The following COL8A1 variants were observed in gnomAD, a reference collection of about 807,000 sequenced individuals.
The protein encoded by COL8A1 is collagen alpha-1(VIII) chain.
A neutral mutation model predicts 42.7 loss-of-function variants in COL8A1; 21 were observed. The observed-to-expected ratio is 0.49, with a 90% confidence interval of 0.35 to 0.71. The LOEUF (loss-of-function observed/expected upper bound fraction) is 0.71, where lower values mean the gene tolerates loss of function less well. Ranked by LOEUF, COL8A1 falls within the 30% of genes least tolerant of loss-of-function variation. COL8A1 has a pLI of 0.01. For synonymous variants in COL8A1, 367 were observed against 369.1 expected (o/e 0.99, Z 0.06); for missense variants, 788 against 962.4 (o/e 0.82, Z 2.40).
chr3:99,705,957 A>G (rs1174683680), intron 1 of COL8A1, among the ~76,000 whole-genome samples: 1 of 152,192 alleles, frequency 6.6e-6, no homozygotes, highest in Admixed American at 6.5e-5. Flanking sequence ...ACATTTTTGT[A>G]TCTTTCTATT....
chr3:99,651,087 T>C (rs542532048), intron 1 of COL8A1, among the ~76,000 whole-genome samples: 33 of 152,348 alleles, frequency 2.2e-4, no homozygotes, highest in Non-Finnish European at 3.4e-4. Flanking sequence ...CTTTTTTTCC[T>C]TTATTTTAGT....
chr3:99,756,999 AT>A (rs1941266335), intron 2 of COL8A1, among the ~76,000 whole-genome samples: 1 of 152,186 alleles, frequency 6.6e-6, no homozygotes, highest in African/African-American at 2.4e-5. Flanking sequence ...AGCTATGGTC[AT>A]TTTTGTAGAT....
intron 2 of COL8A1, among the ~76,000 whole-genome samples, chr3:99,756,120 T>A (rs1388393106): frequency 6.6e-6 from 1 of 151,676 alleles, no homozygotes; most frequent in Non-Finnish European, 1.5e-5. Context: ...GAAGAAGAGA[T>A]ATCGAGAATG....
At chr3:99,755,816 G>T (rs1418713199) in intron 2 of COL8A1, among the ~76,000 whole-genome samples, 3 of 152,220 alleles carry the variant, frequency 2.0e-5, no homozygotes, top group African/African-American at 7.2e-5. Flanking sequence ...AGAGCAGATG[G>T]TGTCAAAGAA....
intron 2 of COL8A1, among the ~76,000 whole-genome samples, chr3:99,786,771 T>C (rs959242760): frequency 6.7e-6 from 1 of 148,468 alleles, no homozygotes; most frequent in African/African-American, 2.6e-5. Context: ...GAGTGTTCAA[T>C]AGGTGTTCAA....
At chr3:99,707,879 C>G (rs1185541302) in intron 1 of COL8A1, among the ~76,000 whole-genome samples, 1 of 152,104 alleles carries the variant, frequency 6.6e-6, no homozygotes, top group Non-Finnish European at 1.5e-5. Flanking sequence ...CCACCAATAA[C>G]CCCATGAGAC....
intron 2 of COL8A1, among the ~76,000 whole-genome samples, chr3:99,779,310 A>G (rs1941750897): frequency 6.6e-6 from 1 of 152,212 alleles, no homozygotes. Flanking sequence ...TTATTATTCA[A>G]GTCCCCCAAA....
In COL8A1 at chr3:99,738,825, C is replaced by T. The variant is rs532520859; in HGVS notation, c.-128-6072C>T. Among the ~76,000 whole-genome samples, 21 of 152,332 alleles carry T rather than the reference C, an allele frequency of 1.4e-4. No homozygotes were observed. The South Asian group carries it at 3.3e-3, about 24-fold the overall frequency. The stretch of plus-strand genomic sequence containing the variant: ...ATGGCGGGCACCCCTCCCCCAGCCT[C>T]GCTGCTGCCTTGCAGTTTGATCTCA... On this transcript the variant is annotated intron_variant, in intron 1 of 3. Transcript: ENST00000652472.
intron 1 of COL8A1, among the ~76,000 whole-genome samples, chr3:99,651,399 A>T (rs546394685): frequency 1.3e-5 from 2 of 152,352 alleles, no homozygotes; most frequent in African/African-American, 2.4e-5. Context: ...TCTTTATCAT[A>T]GATTTTCCCA....
chr3:99,697,953 C>A (rs1333330217), intron 1 of COL8A1, among the ~76,000 whole-genome samples: 1 of 152,138 alleles, frequency 6.6e-6, no homozygotes, highest in African/African-American at 2.4e-5. Context: ...TCTCCTAATG[C>A]TATCCCTCCC....
chr3:99,670,174 C>G (rs867990403), intron 1 of COL8A1, among the ~76,000 whole-genome samples: 5 of 152,050 alleles, frequency 3.3e-5, no homozygotes, highest in Non-Finnish European at 5.9e-5. Flanking sequence ...TAAACTGACA[C>G]TAGCAGTAAT....
chr3:99,794,292 C>T lies in COL8A1; in HGVS notation c.391C>T (p.Pro131Ser), dbSNP rs1455692808. 1 of 1,612,710 alleles carries T rather than the reference C, an allele frequency of 6.2e-7. No individual in the cohort carries two copies. Among genetic ancestry groups the T allele is most frequent in the Non-Finnish European group, 8.5e-7 (1 of 1,179,378 alleles). ...CCGTGGAGAGCCTGGCCCAAGAGGACCACCTGGGCCCCCTGGTTTGCCAGG... is the reference window on the plus strand; with the variant it reads ...CCGTGGAGAGCCTGGCCCAAGAGGATCACCTGGGCCCCCTGGTTTGCCAGG... The part of the protein sequence containing the change: ...GPRGEPGPRG[P>S]PGPPGLPGHG... The change falls in exon 4 of 4, where the codon CCA (proline) becomes TCA (serine). Residue 131 changes from proline to serine, a missense_variant. Pro to Ser is a moderately conservative substitution (Grantham distance 74, BLOSUM62 -1). Coordinates refer to ENST00000652472, the MANE Select transcript of COL8A1 (RefSeq NM_020351.4). The surrounding 1 kb of genome is among the most constrained non-coding windows in gnomAD (Gnocchi z 4.3).
intron 1 of COL8A1, among the ~76,000 whole-genome samples, chr3:99,663,862 C>T (rs1938282648): frequency 6.6e-6 from 1 of 152,106 alleles, no homozygotes; most frequent in South Asian, 2.1e-4. Flanking sequence ...TTTTTTAATG[C>T]ATACTATCTT....
At chr3:99,756,948 G>C (rs1049940867) in intron 2 of COL8A1, among the ~76,000 whole-genome samples, 6 of 152,160 alleles carry the variant, frequency 3.9e-5, no homozygotes, top group African/African-American at 9.7e-5. Flanking sequence ...TACAGAGAAT[G>C]CTCCTTTTAA....
chr3:99,662,789 T>C (rs1938248851), intron 1 of COL8A1, among the ~76,000 whole-genome samples: 2 of 152,166 alleles, frequency 1.3e-5, no homozygotes, highest in African/African-American at 2.4e-5. Flanking sequence ...CTGTGGCTTG[T>C]AGATAATGCA....
intron 1 of COL8A1, among the ~76,000 whole-genome samples, chr3:99,728,402 C>T (rs926156071): frequency 3.3e-5 from 5 of 151,916 alleles, no homozygotes; most frequent in African/African-American, 1.2e-4. Context: ...TTCCTCCTAC[C>T]ATGGTCTAGA....
rs201096754 is a variant in COL8A1 at position 99,744,673 on chromosome 3, TG to T, written c.-128-222del. On this transcript the variant is annotated intron_variant, in intron 1 of 3. Coordinates refer to ENST00000652472, the MANE Select transcript of COL8A1 (RefSeq NM_020351.4). Reference sequence around the variant, plus strand: ...CAATATGTATTAATGGAAATTGAACTGGTGAGAACTTACCATATAATATAAC... The same window carrying T: ...CAATATGTATTAATGGAAATTGAACTGTGAGAACTTACCATATAATATAAC... 7.9e-4 allele frequency among the ~76,000 whole-genome samples: 121 copies of T among 152,334 alleles called. No homozygotes were observed. In the East Asian group the frequency reaches 0.019, roughly 24 times the overall value.
chr3:99,782,704 T>C (rs1170080982), intron 2 of COL8A1, among the ~76,000 whole-genome samples: 1 of 152,182 alleles, frequency 6.6e-6, no homozygotes, highest in Non-Finnish European at 1.5e-5. Context: ...TGACATTATT[T>C]ATTTATAAGT....
At chr3:99,753,020 C>A (rs920372362) in intron 2 of COL8A1, among the ~76,000 whole-genome samples, 1 of 152,092 alleles carries the variant, frequency 6.6e-6, no homozygotes. Flanking sequence ...TCCTTCTCAG[C>A]AAAATGGGAG....
Sources: allele counts gnomAD v4.1 joint callset (sites outside exome capture counted in the v4.1 genomes callset), GRCh38; gene constraint gnomAD v4.1.1; non-coding constraint Gnocchi (gnomAD v3.1); transcripts MANE v1.5; gene names NCBI Gene and HGNC (gene_info 2026-07-23, HGNC 2026-07-21).